The following DNMT3A variants were observed in gnomAD, a reference collection of about 807,000 sequenced individuals.
DNMT3A encodes the protein DNA (cytosine-5)-methyltransferase 3A.
In DNMT3A, 267 loss-of-function variants were observed where a neutral mutation model predicts 117.6. The observed-to-expected ratio is 2.27, with a 90% confidence interval of 2.05 to 2.51. The LOEUF (loss-of-function observed/expected upper bound fraction) is 2.51. Among genes scored for constraint, DNMT3A ranks in the 30% most tolerant of loss-of-function variants. The probability of loss-of-function intolerance (pLI) is 0.00; values close to 1 mark genes in which losing one functional copy is unlikely to be tolerated. For missense variants in DNMT3A, 1,029 were observed against 1,260.2 expected, an observed-to-expected ratio of 0.82 and a Z score of 2.78; for synonymous variants, 432 against 474.8, an observed-to-expected ratio of 0.91 and a Z score of 1.17.
At chr2:25,251,830 G>A in intron 6 of DNMT3A, 1 of 342,926 alleles carries the variant, frequency 2.9e-6, no homozygotes, top group Non-Finnish European at 5.3e-6. Flanking sequence ...GAAGTGCCAG[G>A]CACCCATCTG....
Position 25,247,989 on chromosome 2 carries a change from G to T in DNMT3A, c.855+48C>A. ...AGCAGGACGGGAGGAGCTGGCAGTG[G>T]AAGGCCCCCGGAAAGAGCTGGCCAC... is the stretch of plus-strand genomic sequence containing the variant. On this transcript the variant is annotated intron_variant, in intron 7 of 22. Coordinates refer to ENST00000321117, the MANE Select transcript of DNMT3A (RefSeq NM_022552.5). This position sits in a 1 kb window ranked among gnomAD's most constrained non-coding sequence, Gnocchi z 5.6. The T allele has an allele frequency of 6.2e-7, 1 of 1,609,998 alleles. No individual in the cohort carries two copies. Among genetic ancestry groups the T allele is most frequent in the Non-Finnish European group, 8.5e-7 (1 of 1,178,956 alleles).
intron 1 of DNMT3A, among the ~76,000 whole-genome samples, chr2:25,330,753 C>T (rs2034988337): frequency 6.6e-6 from 1 of 152,262 alleles, no homozygotes; most frequent in Non-Finnish European, 1.5e-5. Context: ...CCCTGTCCCC[C>T]ATGCCCTCTG....
At chr2:25,276,483 C>T (rs1249430917) in intron 4 of DNMT3A, among the ~76,000 whole-genome samples, 1 of 152,214 alleles carries the variant, frequency 6.6e-6, no homozygotes, top group Non-Finnish European at 1.5e-5. Context: ...CAGGTCCTGG[C>T]AGGGAAGTCT....
chr2:25,334,078 G>A (rs1465068449), intron 1 of DNMT3A, among the ~76,000 whole-genome samples: 1 of 152,120 alleles, frequency 6.6e-6, no homozygotes, highest in African/African-American at 2.4e-5. Context: ...TTATTCCAGG[G>A]GCAGGGTCAA....
Position 25,282,017 on chromosome 2 carries a change from C to T in DNMT3A, c.448+424G>A, listed in dbSNP as rs189177196. On this transcript the variant is annotated intron_variant, in intron 4 of 22. Transcript: ENST00000321117. The surrounding 1 kb of genome is among the most constrained non-coding windows in gnomAD (Gnocchi z 5.2). Reference sequence around the variant, plus strand: ...AGCAACCCCCAGGAACTGCATGGCACGTGGGAGAGTAAGCAGGCCAGGTAG... The same window carrying T: ...AGCAACCCCCAGGAACTGCATGGCATGTGGGAGAGTAAGCAGGCCAGGTAG... 3.6e-4 allele frequency: 412 copies of T among 1,129,744 alleles called. 2 individuals carry two copies. The African/African-American group carries it at 6.0e-3, about 16-fold the overall frequency. 70.0% of individuals were successfully genotyped at this position (1,129,744 alleles called of 1,614,324 possible).
In DNMT3A at chr2:25,240,301, C is replaced by T. The variant is rs903011938; in HGVS notation, c.2322+1G>A. The T allele has an allele frequency of 3.7e-6, 6 of 1,613,904 alleles. No homozygotes were observed. Among genetic ancestry groups the T allele is most frequent in the Non-Finnish European group, 2.5e-6 (3 of 1,179,948 alleles). On this transcript the variant is annotated splice_donor_variant, in intron 19 of 22. Transcript: ENST00000321117. LOFTEE classifies it high-confidence loss of function. The stretch of plus-strand genomic sequence containing the variant: ...GGCCAAACCAAGGTTGCTGGCTATA[C>T]CTCGAGAAATCGCGAGATGTCCCTC...
At chr2:25,251,708 C>G (rs1234557287) in intron 6 of DNMT3A, among the ~76,000 whole-genome samples, 1 of 152,252 alleles carries the variant, frequency 6.6e-6, no homozygotes, top group African/African-American at 2.4e-5. Flanking sequence ...GGCGGCCTGC[C>G]TGGAGGCTTC....
intron 19 of DNMT3A, among the ~76,000 whole-genome samples, chr2:25,239,932 G>C (rs1673781784): frequency 6.6e-6 from 1 of 152,190 alleles, no homozygotes; most frequent in African/African-American, 2.4e-5. Context: ...CAGGGAGTGA[G>C]GATAGGCCCT....
chr2:25,287,903 C>T (rs1208877289), intron 3 of DNMT3A, among the ~76,000 whole-genome samples: 4 of 151,682 alleles, frequency 2.6e-5, no homozygotes, highest in African/African-American at 9.7e-5. Context: ...GGTGCAATCT[C>T]GGCTCACTAC....
At position 25,281,579 on chromosome 2, in the gene DNMT3A, T is replaced by C. The variant is rs2031889702; in HGVS notation, c.448+862A>G. 1 of 1,063,482 alleles carries C rather than the reference T, an allele frequency of 9.4e-7. No individual in the cohort carries two copies. The highest frequency in any genetic ancestry group is 1.1e-6 in the Non-Finnish European group (1 of 878,152). 65.9% of individuals were successfully genotyped at this position (1,063,482 alleles called of 1,614,324 possible). A position where few individuals can be genotyped will look rare whatever the true frequency, so the allele number is the denominator to read the frequency against. On this transcript the variant is annotated intron_variant, in intron 4 of 22. Coordinates refer to ENST00000321117, the MANE Select transcript of DNMT3A (RefSeq NM_022552.5). This position sits in a 1 kb window ranked among gnomAD's most constrained non-coding sequence, Gnocchi z 4.8. ...CATCATACACGCTTGGAAGGAAGAC[T>C]TTTTGAAATTAAAATGCACATATGC...
intron 6 of DNMT3A, chr2:25,249,483 T>G: frequency 1.4e-6 from 1 of 714,162 alleles, no homozygotes; most frequent in Middle Eastern, 3.9e-4. Context: ...CAGTGTGTAT[T>G]GTTACCAGAT....
At chr2:25,241,907 C>T in intron 16 of DNMT3A, 200 bp from the exon 17 acceptor site, 1 of 632,076 alleles carries the variant, frequency 1.6e-6, no homozygotes, top group Admixed American at 3.5e-5. Context: ...TGTCTCATGC[C>T]TCGTTTGGCC....
At chr2:25,241,363 C>T (rs558822740) in intron 17 of DNMT3A, among the ~76,000 whole-genome samples, 199 bp downstream of exon 17, 52 of 152,300 alleles carry the variant, frequency 3.4e-4, no homozygotes, top group African/African-American at 1.3e-3. Flanking sequence ...GCCACCATGC[C>T]TAGCCCAAAT....
chr2:25,312,959 A>G (rs72810080), intron 2 of DNMT3A, among the ~76,000 whole-genome samples: 7,922 of 152,122 alleles, frequency 0.052, 251 homozygotes, highest in South Asian at 0.086. Flanking sequence ...CCCCAGCGCT[A>G]CTCAGGGGAA....
In DNMT3A at chr2:25,247,196, C is replaced by T. The variant is rs750171667; in HGVS notation, c.1015-38G>A. On this transcript the variant is annotated intron_variant, in intron 8 of 22. Transcript: ENST00000321117. This position sits in a 1 kb window ranked among gnomAD's most constrained non-coding sequence, Gnocchi z 5.6. Reference sequence around the variant, plus strand: ...GCCAGGCCTTGTTTGCCGAGGCTTACACTTGCAAGCACCCACCCCATGCCT... The same window carrying T: ...GCCAGGCCTTGTTTGCCGAGGCTTATACTTGCAAGCACCCACCCCATGCCT... 2.5e-6 allele frequency: 4 copies of T among 1,597,224 alleles called. No individual in the cohort carries two copies. The highest frequency in any genetic ancestry group is 3.4e-6 in the Non-Finnish European group (4 of 1,169,082).
rs1302514969 is a variant in DNMT3A, at chr2:25,233,146, G to T, written c.*1133C>A. On this transcript the variant is annotated 3_prime_UTR_variant, in exon 23 of 23. Transcript: ENST00000321117. ...ATCTTGCCGAGGGAGTCTCCTTTTA[G>T]AAAACAATCAAAGGGTTATTGCATG... 1 of 233,636 alleles carries T rather than the reference G, an allele frequency of 4.3e-6. No homozygotes were observed. The highest frequency in any genetic ancestry group is 8.5e-6 in the Non-Finnish European group (1 of 118,034). The allele number at this position is 233,636 out of a possible 1,614,324, so 14.5% of individuals were successfully genotyped here.
chr2:25,270,490 G>C (rs933820348), intron 6 of DNMT3A, among the ~76,000 whole-genome samples: 2 of 152,228 alleles, frequency 1.3e-5, no homozygotes, highest in African/African-American at 4.8e-5. Context: ...TGCAGGCGTT[G>C]CATTCTGAGA....
intron 13 of DNMT3A, among the ~76,000 whole-genome samples, 178 bp from the exon 14 acceptor site, chr2:25,244,830 G>C (rs1343396085): frequency 6.6e-6 from 1 of 152,190 alleles, no homozygotes; most frequent in African/African-American, 2.4e-5. Context: ...TCATCTGCCT[G>C]TGCACCGCCA....
chr2:25,240,376 G>A lies in DNMT3A; in HGVS notation c.2248C>T (p.Pro750Ser). ...ACATTCTCAAAGAGCCAGAAGAAGG[G>A]GCGATCATCTCCCTCCTTGGGCCGC... The part of the protein sequence containing the change: ...DARPKEGDDR[P>S]FFWLFENVVA... The change falls in exon 19 of 23, where the codon CCC becomes TCC. Residue 750 changes from proline (P) to serine (S), a missense_variant. Coordinates refer to ENST00000321117, the MANE Select transcript of DNMT3A (RefSeq NM_022552.5). 1 of 1,614,128 alleles carries A rather than the reference G, an allele frequency of 6.2e-7. No homozygotes were observed. The highest frequency in any genetic ancestry group is 8.5e-7 in the Non-Finnish European group (1 of 1,180,000).
Sources: allele counts gnomAD v4.1 joint callset (sites outside exome capture counted in the v4.1 genomes callset), GRCh38; gene constraint gnomAD v4.1.1; non-coding constraint Gnocchi (gnomAD v3.1); transcripts MANE v1.5; gene names NCBI Gene and HGNC (gene_info 2026-07-23, HGNC 2026-07-21).